Variants in TBC1D4 observed in about 807,000 individuals in gnomAD.
TBC1D4 encodes TBC1 domain family member 4.
In TBC1D4, 121 loss-of-function variants were observed where a neutral mutation model predicts 142.5. The ratio of observed to expected loss-of-function variants is 0.85; its 90% CI spans 0.73 to 0.99. The LOEUF is 0.99. TBC1D4 is among the 50% of genes least tolerant of loss of function. The pLI is 0.00. For synonymous variants in TBC1D4, 630 were observed against 628.2 expected, an observed-to-expected ratio of 1.00 and a Z score of -0.04; for missense variants, 1,475 against 1,606.6, an observed-to-expected ratio of 0.92 and a Z score of 1.40.
chr13:75,344,157 A>C (rs1258062384), intron 5 of TBC1D4, among the ~76,000 whole-genome samples: 4 of 152,142 alleles, frequency 2.6e-5, no homozygotes, highest in African/African-American at 9.7e-5. Context: ...CCACTATCAC[A>C]ATTTATTATT....
At chr13:75,468,755 T>A (rs954878461) in intron 1 of TBC1D4, among the ~76,000 whole-genome samples, 1 of 152,134 alleles carries the variant, frequency 6.6e-6, no homozygotes, top group African/African-American at 2.4e-5. Flanking sequence ...CCAGTAGACA[T>A]TAATCTGCTC....
intron 1 of TBC1D4, among the ~76,000 whole-genome samples, chr13:75,377,557 T>C (rs1483223698): frequency 6.6e-6 from 1 of 151,956 alleles, no homozygotes; most frequent in African/African-American, 2.4e-5. Flanking sequence ...ACTACAACTA[T>C]ACCTCAAACA....
chr13:75,294,785 T>C, intron 18 of TBC1D4, 69 bp downstream of exon 18: 2 of 1,544,944 alleles, frequency 1.3e-6, no homozygotes, highest in South Asian at 2.3e-5. Flanking sequence ...GGGCATCATA[T>C]GGCTAGAAGT....
chr13:75,309,835 A>G (rs1413202261), intron 14 of TBC1D4, 107 bp downstream of exon 14: 8 of 1,083,508 alleles, frequency 7.4e-6, no homozygotes, highest in Non-Finnish European at 9.8e-6. Flanking sequence ...AAGTGTGCAT[A>G]CAGTCCAAAA....
At chr13:75,481,204 C>T in intron 1 of TBC1D4, 66 bp downstream of exon 1, 1 of 1,408,460 alleles carries the variant, frequency 7.1e-7, no homozygotes, top group Non-Finnish European at 9.7e-7. Flanking sequence ...GTCCCCGCCC[C>T]TCCCGCCCTG....
chr13:75,397,272 C>G (rs1199521009), intron 1 of TBC1D4, among the ~76,000 whole-genome samples: 1 of 152,132 alleles, frequency 6.6e-6, no homozygotes, highest in Non-Finnish European at 1.5e-5. Context: ...AACCTTTAGT[C>G]CAGTAATAAT....
At chr13:75,371,515 G>C (rs937842987) in intron 1 of TBC1D4, among the ~76,000 whole-genome samples, 6 of 152,170 alleles carry the variant, frequency 3.9e-5, no homozygotes, top group African/African-American at 1.2e-4. Context: ...CTGTAAAATA[G>C]CAAGCTTGCT....
At chr13:75,408,384 T>G (rs191479475) in intron 1 of TBC1D4, among the ~76,000 whole-genome samples, 2 of 152,366 alleles carry the variant, frequency 1.3e-5, no homozygotes, top group East Asian at 3.9e-4. Context: ...TTCCATTTTT[T>G]GGCTATTACG....
chr13:75,410,232 C>G (rs1885577903), intron 1 of TBC1D4, among the ~76,000 whole-genome samples: 1 of 152,168 alleles, frequency 6.6e-6, no homozygotes, highest in Admixed American at 6.5e-5. Context: ...TACAGCCATC[C>G]CCCTTTTCAT....
At chr13:75,458,031 AT>A (rs1887811703) in intron 1 of TBC1D4, among the ~76,000 whole-genome samples, 1 of 152,164 alleles carries the variant, frequency 6.6e-6, no homozygotes, top group African/African-American at 2.4e-5. Context: ...GTTGCCGTTC[AT>A]GGATGGCTAA....
At chr13:75,479,236 C>T (rs942748000) in intron 1 of TBC1D4, among the ~76,000 whole-genome samples, 4 of 152,132 alleles carry the variant, frequency 2.6e-5, no homozygotes, top group Non-Finnish European at 5.9e-5. Flanking sequence ...AAATTAATAA[C>T]CCTCTGCCAG....
chr13:75,402,681 ACAC>A (rs1885156083), intron 1 of TBC1D4, among the ~76,000 whole-genome samples: 1 of 151,696 alleles, frequency 6.6e-6, no homozygotes, highest in African/African-American at 2.4e-5. Flanking sequence ...ACACACACAC[ACAC>A]ACACACACAC....
At position 75,416,694 on chromosome 13, in the gene TBC1D4, G is replaced by A. The variant is rs547958855; in HGVS notation, c.499-54087C>T. The stretch of plus-strand genomic sequence containing the variant: ...AAATCTGAGACAGTCACCGTGGTTA[G>A]GTGCCAGGTTGTGGATAATAAAAAG... On this transcript the variant is annotated intron_variant, in intron 1 of 20. Transcript: ENST00000377636. 5.9e-5 allele frequency among the ~76,000 whole-genome samples: 9 copies of A among 152,310 alleles called. No individual in the cohort carries two copies. The South Asian group carries it at 1.7e-3, about 28-fold the overall frequency.
intron 12 of TBC1D4, among the ~76,000 whole-genome samples, chr13:75,318,454 A>G (rs1183034413): frequency 6.6e-6 from 1 of 152,244 alleles, no homozygotes; most frequent in African/African-American, 2.4e-5. Flanking sequence ...CCAAAACTTC[A>G]TTAGTGTGAT....
intron 1 of TBC1D4, among the ~76,000 whole-genome samples, chr13:75,442,923 T>C (rs1387547800): frequency 2.0e-5 from 3 of 152,224 alleles, no homozygotes; most frequent in Admixed American, 6.5e-5. Flanking sequence ...GCCTAGTCTA[T>C]ACTAAAAACA....
At chr13:75,358,012 T>TC (rs1882189210) in intron 3 of TBC1D4, among the ~76,000 whole-genome samples, 1 of 149,862 alleles carries the variant, frequency 6.7e-6, no homozygotes. Context: ...TTTTTTTTTC[T>TC]TTTAGCTGCC....
intron 1 of TBC1D4, among the ~76,000 whole-genome samples, chr13:75,438,954 G>A (rs1886918009): frequency 1.3e-5 from 2 of 152,150 alleles, no homozygotes; most frequent in Non-Finnish European, 2.9e-5. Context: ...TAAGTGGAAA[G>A]CTACATTATT....
Position 75,356,235 on chromosome 13 carries a change from T to C in TBC1D4, c.1187A>G (p.Asp396Gly), listed in dbSNP as rs973271607. The change falls in exon 4 of 21, where the codon GAT (aspartate) becomes GGT (glycine). Residue 396 changes from aspartate to glycine, a missense_variant. Physicochemically the swap from Asp to Gly is moderately conservative, Grantham distance 94. Around this residue, in one of 2 missense-constraint regions of TBC1D4, gnomAD observed 1,227 missense variants for 1,267.7 expected, o/e 0.97. Transcript: ENST00000377636. Reference protein sequence around the residue: ...SSCSQGIKHVDHFGFICRESP... With the variant: ...SSCSQGIKHVGHFGFICRESP... ...CTCCCGGCAGATAAAGCCAAAGTGA[T>C]CCACATGCTTTATACCCTAGATGGA... The C allele has an allele frequency of 6.2e-7, 1 of 1,612,842 alleles. No individual in the cohort carries two copies. The highest frequency in any genetic ancestry group is 8.5e-7 in the Non-Finnish European group (1 of 1,178,986).
intron 1 of TBC1D4, among the ~76,000 whole-genome samples, chr13:75,441,384 T>C (rs1443376257): frequency 6.6e-6 from 1 of 152,170 alleles, no homozygotes; most frequent in African/African-American, 2.4e-5. Flanking sequence ...GGGACTCATC[T>C]GGAAACCATA....
Sources: allele counts gnomAD v4.1 joint callset (sites outside exome capture counted in the v4.1 genomes callset), GRCh38; gene constraint gnomAD v4.1.1; regional missense constraint gnomAD v4.1.1; transcripts MANE v1.5; gene names NCBI Gene and HGNC (gene_info 2026-07-23, HGNC 2026-07-21).